Variants in TRIM44 observed in about 807,000 individuals in gnomAD.
The protein encoded by TRIM44 is tripartite motif-containing protein 44.
TRIM44 carries 13 observed loss-of-function variants against 37.4 expected under a neutral mutation model. The ratio of observed to expected loss-of-function variants is 0.35; its 90% CI spans 0.23 to 0.55. The LOEUF is 0.55. TRIM44 is among the 20% of genes least tolerant of loss of function. The pLI is 0.89. For synonymous variants in TRIM44, 175 were observed against 157.2 expected (o/e 1.11, Z -0.85); for missense variants, 426 against 437.2 (o/e 0.97, Z 0.23).
At chr11:35,787,818 T>C (rs757200186) in intron 4 of TRIM44, among the ~76,000 whole-genome samples, 9 of 152,218 alleles carry the variant, frequency 5.9e-5, no homozygotes, top group African/African-American at 9.6e-5. Flanking sequence ...CTGAACCTTA[T>C]GGGCATATCC....
chr11:35,692,787 G>T (rs1851651991), intron 2 of TRIM44, among the ~76,000 whole-genome samples: 1 of 152,054 alleles, frequency 6.6e-6, no homozygotes, highest in South Asian at 2.1e-4. Context: ...GCCAGGCATG[G>T]TGGTGGGCGC....
At chr11:35,667,030 T>C (rs1851340184) in intron 1 of TRIM44, among the ~76,000 whole-genome samples, 1 of 152,216 alleles carries the variant, frequency 6.6e-6, no homozygotes, top group South Asian at 2.1e-4. Context: ...ATGGATGTGG[T>C]TGGTGGGTAT....
In TRIM44 at chr11:35,781,384, T is replaced by A. The variant is rs1357140092; in HGVS notation, c.1008-24974T>A. Among the ~76,000 whole-genome samples, 5 of 152,228 alleles carry A rather than the reference T, an allele frequency of 3.3e-5. No individual in the cohort carries two copies. The East Asian group carries it at 9.6e-4, about 29-fold the overall frequency. On this transcript the variant is annotated intron_variant, in intron 4 of 4. Coordinates refer to ENST00000299413, the MANE Select transcript of TRIM44 (RefSeq NM_017583.6). ...TAATCTTACTTCAAGAAGGCTGTGA[T>A]CTGCACAAGTCCCAGAGACAAGCTG... is the stretch of plus-strand genomic sequence containing the variant.
At chr11:35,725,066 T>TCTCACA (rs371948145) in intron 2 of TRIM44, among the ~76,000 whole-genome samples, 2,702 of 141,152 alleles carry the variant, frequency 0.019, 97 homozygotes, top group African/African-American at 0.07. Flanking sequence ...ATGCACACAC[T>TCTCACA]CACACACACA....
At chr11:35,716,615 C>T (rs572885836) in intron 2 of TRIM44, among the ~76,000 whole-genome samples, 1 of 152,234 alleles carries the variant, frequency 6.6e-6, no homozygotes, top group East Asian at 1.9e-4. Flanking sequence ...GTTAAAGTGT[C>T]ATAATTTTTC....
chr11:35,703,465 G>A (rs112464229), intron 2 of TRIM44, among the ~76,000 whole-genome samples: 9 of 152,270 alleles, frequency 5.9e-5, no homozygotes, highest in Admixed American at 1.3e-4. Flanking sequence ...TCCTCAAGTG[G>A]GTCCCTGACC....
rs1244711205 is a variant in TRIM44, at chr11:35,814,338, G to A, written c.*7953G>A. 1 of 152,186 alleles carries A rather than the reference G, an allele frequency of 6.6e-6. No homozygotes were observed. The highest frequency in any genetic ancestry group is 2.4e-5 in the African/African-American group (1 of 41,438). The allele number at this position is 152,186 out of a possible 1,614,324, so 9.4% of individuals were successfully genotyped here. A position where few individuals can be genotyped will look rare whatever the true frequency, so the allele number is the denominator to read the frequency against. On this transcript the variant is annotated 3_prime_UTR_variant, in exon 5 of 5. Coordinates refer to ENST00000299413, the MANE Select transcript of TRIM44 (RefSeq NM_017583.6). ...AGCAAAAGACACATGAAGTTATGTG[G>A]CAGTTCCTCACTAGGGAATTTGGTC...
At chr11:35,757,928 C>T (rs1475261614) in intron 4 of TRIM44, among the ~76,000 whole-genome samples, 1 of 152,086 alleles carries the variant, frequency 6.6e-6, no homozygotes, top group Non-Finnish European at 1.5e-5. Flanking sequence ...ACTATGCGGT[C>T]AATTTTGGAA....
At chr11:35,748,298 G>A (rs180961313) in intron 4 of TRIM44, among the ~76,000 whole-genome samples, 14 of 152,310 alleles carry the variant, frequency 9.2e-5, no homozygotes, top group Admixed American at 9.1e-4. Flanking sequence ...ATAGGGGAAA[G>A]TGGCTTGTTA....
chr11:35,770,706 G>T (rs2133865525), intron 4 of TRIM44, among the ~76,000 whole-genome samples: 1 of 152,228 alleles, frequency 6.6e-6, no homozygotes, highest in African/African-American at 2.4e-5. Flanking sequence ...GTTTAGCTCT[G>T]TGTCCCCACC....
chr11:35,670,381 C>T (rs930765320), intron 1 of TRIM44, among the ~76,000 whole-genome samples: 1 of 152,216 alleles, frequency 6.6e-6, no homozygotes, highest in African/African-American at 2.4e-5. Context: ...CAGGACTTCA[C>T]ATTACATTTC....
chr11:35,744,546 C>G (rs1223006886), intron 4 of TRIM44, among the ~76,000 whole-genome samples: 1 of 151,826 alleles, frequency 6.6e-6, no homozygotes, highest in East Asian at 1.9e-4. Context: ...ACTGGGCACC[C>G]TGTTTTTTTT....
chr11:35,682,923 A>G (rs895805375), intron 1 of TRIM44, among the ~76,000 whole-genome samples: 6 of 152,140 alleles, frequency 3.9e-5, no homozygotes, highest in Non-Finnish European at 7.4e-5. Flanking sequence ...CTCTAGAGCC[A>G]GGGGGAAAGT....
At chr11:35,754,192 G>A (rs2970327) in intron 4 of TRIM44, among the ~76,000 whole-genome samples, 2 of 152,214 alleles carry the variant, frequency 1.3e-5, no homozygotes, top group Non-Finnish European at 2.9e-5. Context: ...TTACTAATCT[G>A]TTAGTGGTTG....
chr11:35,813,888 TGGTGTTCA>T lies in TRIM44; in HGVS notation c.*7505_*7512del, dbSNP rs1402885874. The T allele has an allele frequency of 6.6e-6, 1 of 152,214 alleles. No individual in the cohort carries two copies. The highest frequency in any genetic ancestry group is 1.9e-4 in the East Asian group (1 of 5,204). 9.4% of individuals were successfully genotyped at this position (152,214 alleles called of 1,614,324 possible). ...TGACTTTTATTGTTTCATGAGCCTCTGGTGTTCAGAGAGTTTTTTTCACAGCTTTGTAA... is the reference window on the plus strand; with the variant it reads ...TGACTTTTATTGTTTCATGAGCCTCTGAGAGTTTTTTTCACAGCTTTGTAA... On this transcript the variant is annotated 3_prime_UTR_variant, in exon 5 of 5. Transcript: ENST00000299413.
intron 4 of TRIM44, among the ~76,000 whole-genome samples, chr11:35,794,097 T>A (rs922713931): frequency 4.6e-5 from 7 of 152,226 alleles, no homozygotes; most frequent in Non-Finnish European, 1.0e-4. Context: ...AACTTAGTTG[T>A]GTGCTTTTTC....
chr11:35,669,527 G>A (rs979622374), intron 1 of TRIM44, among the ~76,000 whole-genome samples: 2 of 151,954 alleles, frequency 1.3e-5, no homozygotes, highest in Non-Finnish European at 2.9e-5. Flanking sequence ...CCAGGCTGGA[G>A]TGCAATGGCT....
chr11:35,715,386 A>G (rs1438040953), intron 2 of TRIM44, among the ~76,000 whole-genome samples: 3 of 150,004 alleles, frequency 2.0e-5, no homozygotes, highest in African/African-American at 5.0e-5. Context: ...TCCTGAGCCT[A>G]TATTATTCTC....
At chr11:35,779,323 G>T (rs1166226619) in intron 4 of TRIM44, among the ~76,000 whole-genome samples, 3 of 152,138 alleles carry the variant, frequency 2.0e-5, no homozygotes. Flanking sequence ...CAAGTGTCCC[G>T]ATTTTCCAGG....
Sources: gnomAD v4.1 joint callset for allele counts (sites outside exome capture counted in the v4.1 genomes callset) on GRCh38, gnomAD v4.1.1 for gene constraint, MANE v1.5 for transcripts, NCBI Gene and HGNC (gene_info 2026-07-23, HGNC 2026-07-21) for gene names.